Variants in HS3ST2 observed in about 807,000 individuals in gnomAD.
The protein encoded by HS3ST2 is heparan sulfate-glucosamine 3-sulfotransferase 2.
In HS3ST2, 17 loss-of-function variants were observed where a neutral mutation model predicts 26.3. That is an observed-to-expected ratio of 0.65 (90% CI 0.44 to 0.97). HS3ST2 has a LOEUF of 0.97. Among genes scored for constraint, HS3ST2 ranks in the 50% least tolerant of loss-of-function variants. HS3ST2 has a pLI of 0.00. For synonymous variants in HS3ST2, 237 were observed against 219.2 expected (o/e 1.08, Z -0.72); for missense variants, 402 against 501.2 (o/e 0.80, Z 1.89).
intron 1 of HS3ST2, among the ~76,000 whole-genome samples, chr16:22,859,814 G>A (rs1053319458): frequency 6.6e-6 from 1 of 152,178 alleles, no homozygotes; most frequent in African/African-American, 2.4e-5. Flanking sequence ...TCTGAGGCAT[G>A]AGAGTTACTC....
At chr16:22,890,785 A>C (rs1240232938) in intron 1 of HS3ST2, among the ~76,000 whole-genome samples, 2 of 152,246 alleles carry the variant, frequency 1.3e-5, no homozygotes, top group East Asian at 3.8e-4. Flanking sequence ...CTGTAGGTTT[A>C]ACCACCAAAC....
rs1596598610 is a variant in HS3ST2, at chr16:22,814,494, C to T, written c.-117C>T. On this transcript the variant is annotated 5_prime_UTR_variant, in exon 1 of 2. Transcript: ENST00000261374. ...CGGAGAAGACGGCGCCCCCAACGCC[C>T]GACCCGCGTGGCCGTGGCAGCGCCA... is the stretch of plus-strand genomic sequence containing the variant. The T allele has an allele frequency of 1.3e-5, 16 of 1,239,174 alleles. No individual in the cohort carries two copies. The East Asian group carries it at 4.4e-4, about 34-fold the overall frequency. The allele number at this position is 1,239,174 out of a possible 1,614,324, so 76.8% of individuals were successfully genotyped here. A position where few individuals can be genotyped will look rare whatever the true frequency, so the allele number is the denominator to read the frequency against.
chr16:22,881,296 C>G (rs1901987776), intron 1 of HS3ST2, among the ~76,000 whole-genome samples: 1 of 152,232 alleles, frequency 6.6e-6, no homozygotes, highest in Non-Finnish European at 1.5e-5. Flanking sequence ...TCCTCCTCCA[C>G]TGCTGAGCGT....
intron 1 of HS3ST2, among the ~76,000 whole-genome samples, chr16:22,816,659 T>C (rs1900874637): frequency 6.6e-6 from 1 of 152,200 alleles, no homozygotes; most frequent in East Asian, 1.9e-4. Flanking sequence ...CCCACTGTGC[T>C]TTCCAAGCTG....
intron 1 of HS3ST2, among the ~76,000 whole-genome samples, chr16:22,872,800 G>T (rs1440030748): frequency 6.6e-6 from 1 of 152,074 alleles, no homozygotes; most frequent in African/African-American, 2.4e-5. Flanking sequence ...GACTTATTTG[G>T]CAATCAGCTT....
In HS3ST2 at chr16:22,878,086, G is replaced by A. The variant is rs181493496; in HGVS notation, c.486-36858G>A. Among the ~76,000 whole-genome samples the A allele has an allele frequency of 1.2e-3, 183 of 152,318 alleles. 1 individual carries two copies. Among genetic ancestry groups the A allele is most frequent in the African/African-American group, 4.2e-3 (175 of 41,570 alleles). On this transcript the variant is annotated intron_variant, in intron 1 of 1. Transcript: ENST00000261374. ...ATTATCAGAGTCCAGGCTGTGCAAAGGAGAGTGTCTAAGATAACAACTAGT... is the reference window on the plus strand; with the variant it reads ...ATTATCAGAGTCCAGGCTGTGCAAAAGAGAGTGTCTAAGATAACAACTAGT...
chr16:22,814,569 C>G lies in HS3ST2; in HGVS notation c.-42C>G, dbSNP rs973464774. On this transcript the variant is annotated 5_prime_UTR_variant, in exon 1 of 2. Coordinates refer to ENST00000261374, the MANE Select transcript of HS3ST2 (RefSeq NM_006043.2). ...GGCCACAGCAGCTCAGCCGCCGGTGCCCCCTCGGAAACCATGACCCCCGGC... is the reference window on the plus strand; with the variant it reads ...GGCCACAGCAGCTCAGCCGCCGGTGGCCCCTCGGAAACCATGACCCCCGGC... 4.1e-6 allele frequency: 6 copies of G among 1,473,002 alleles called. No individual in the cohort carries two copies. In the African/African-American group the frequency reaches 8.9e-5, roughly 22 times the overall value. The allele number at this position is 1,473,002 out of a possible 1,614,324, so 91.2% of individuals were successfully genotyped here. A position where few individuals can be genotyped will look rare whatever the true frequency, so the allele number is the denominator to read the frequency against.
intron 1 of HS3ST2, among the ~76,000 whole-genome samples, chr16:22,863,614 T>C (rs2141190247): frequency 6.6e-6 from 1 of 152,302 alleles, no homozygotes; most frequent in Middle Eastern, 3.4e-3. Context: ...GTGTCTATTG[T>C]TACCATTTGT....
chr16:22,887,818 A>G (rs1364414500), intron 1 of HS3ST2, among the ~76,000 whole-genome samples: 2 of 150,686 alleles, frequency 1.3e-5, no homozygotes, highest in African/African-American at 4.9e-5. Flanking sequence ...GCATGGTTGT[A>G]TGTGCATACA....
intron 1 of HS3ST2, among the ~76,000 whole-genome samples, chr16:22,826,226 T>C (rs372193): frequency 0.14 from 21,790 of 151,986 alleles, 1,666 homozygotes; most frequent in East Asian, 0.22. Flanking sequence ...TTTGTGGGGT[T>C]GTAGAGGAGG....
At chr16:22,861,344 T>G (rs1351986188) in intron 1 of HS3ST2, among the ~76,000 whole-genome samples, 1 of 151,956 alleles carries the variant, frequency 6.6e-6, no homozygotes, top group African/African-American at 2.4e-5. Context: ...GCAGCTGCCC[T>G]GACTGCATCT....
chr16:22,910,051 A>AAG (rs1555515051), intron 1 of HS3ST2, among the ~76,000 whole-genome samples: 25 of 151,686 alleles, frequency 1.6e-4, no homozygotes, highest in East Asian at 9.7e-4. Flanking sequence ...AAAAAAAAAA[A>AAG]AAAGAAAGAA....
intron 1 of HS3ST2, among the ~76,000 whole-genome samples, chr16:22,845,147 C>T (rs1901413763): frequency 6.8e-6 from 1 of 147,756 alleles, no homozygotes; most frequent in South Asian, 2.1e-4. Context: ...AGCCACTGCG[C>T]CTGGCCTAAA....
At chr16:22,829,209 C>T (rs1476671240) in intron 1 of HS3ST2, among the ~76,000 whole-genome samples, 1 of 152,182 alleles carries the variant, frequency 6.6e-6, no homozygotes, top group Non-Finnish European at 1.5e-5. Flanking sequence ...CAGAGAGCTC[C>T]TATCCCATGG....
chr16:22,840,556 T>G (rs13335054), intron 1 of HS3ST2, among the ~76,000 whole-genome samples: 2,574 of 152,178 alleles, frequency 0.017, 69 homozygotes, highest in African/African-American at 0.055. Flanking sequence ...CTAATTTTTT[T>G]TACTTTTAGT....
intron 1 of HS3ST2, among the ~76,000 whole-genome samples, chr16:22,827,228 G>T (rs951389158): frequency 6.6e-6 from 1 of 152,210 alleles, no homozygotes; most frequent in African/African-American, 2.4e-5. Context: ...AGTATGTCCA[G>T]GGTGGAGTGC....
At chr16:22,872,146 G>A (rs1194536213) in intron 1 of HS3ST2, among the ~76,000 whole-genome samples, 1 of 152,176 alleles carries the variant, frequency 6.6e-6, no homozygotes, top group Non-Finnish European at 1.5e-5. Context: ...ACACAGAAGT[G>A]GGACAATCTT....
At chr16:22,896,753 T>C (rs1309313755) in intron 1 of HS3ST2, among the ~76,000 whole-genome samples, 1 of 152,226 alleles carries the variant, frequency 6.6e-6, no homozygotes, top group Non-Finnish European at 1.5e-5. Context: ...TCATGTCATC[T>C]TACTGTCTTT....
intron 1 of HS3ST2, among the ~76,000 whole-genome samples, chr16:22,886,431 G>A (rs570398301): frequency 6.6e-6 from 1 of 152,302 alleles, no homozygotes; most frequent in East Asian, 1.9e-4. Context: ...TGGGCTTCTT[G>A]TGTGAAGTGC....
Sources: allele counts gnomAD v4.1 joint callset (sites outside exome capture counted in the v4.1 genomes callset), GRCh38; gene constraint gnomAD v4.1.1; transcripts MANE v1.5; gene names NCBI Gene and HGNC (gene_info 2026-07-23, HGNC 2026-07-21).